Variants in DNAH2 observed in about 807,000 individuals in gnomAD.
The protein encoded by DNAH2 is axonemal beta dynein heavy chain 2.
Under a neutral mutation model 523.5 loss-of-function variants are expected in DNAH2, and 323 were observed. That is an observed-to-expected ratio of 0.62 (90% CI 0.56 to 0.68). DNAH2 has a LOEUF of 0.68. DNAH2 is among the 30% of genes least tolerant of loss of function. DNAH2 has a pLI of 0.00. For missense variants in DNAH2, 4,907 were observed against 5,701.5 expected (o/e 0.86, Z 4.49); for synonymous variants, 2,093 against 2,177.4 (o/e 0.96, Z 1.08).
At position 7,766,384 on chromosome 17, in the gene DNAH2, T is replaced by C. The variant is rs750696101; in HGVS notation, c.3578T>C (p.Leu1193Pro). 2.5e-6 allele frequency: 4 copies of C among 1,614,016 alleles called. No homozygotes were observed. In the Admixed American group the frequency reaches 6.7e-5, roughly 27 times the overall value. ...CAGATTACACAAGTGCGGGCCATGC[T>C]GATGGCCATGCGGGAAGAGGAAAAT... ...LDQITQVRAMLMAMREEENSL... is the reference protein window; with the variant it reads ...LDQITQVRAMPMAMREEENSL... The change falls in exon 22 of 86, where the codon CTG (leucine) becomes CCG (proline). Residue 1193 changes from leucine to proline, a missense_variant. Coordinates refer to ENST00000572933, the MANE Select transcript of DNAH2 (RefSeq NM_020877.5).
Position 7,760,391 on chromosome 17 carries a change from T to C in DNAH2, c.2786-349T>C, listed in dbSNP as rs1463059344. On this transcript the variant is annotated intron_variant, in intron 17 of 85. Transcript: ENST00000572933. The surrounding 1 kb of genome is among the most constrained non-coding windows in gnomAD (Gnocchi z 4.0). ...AAAAACAAAAACAGGGGGGCCAGAC[T>C]GGGGAAGGGAGCAGGGGCTTGGATG... Among the ~76,000 whole-genome samples the C allele has an allele frequency of 7.4e-6, 1 of 134,362 alleles. No homozygotes were observed. Among genetic ancestry groups the C allele is most frequent in the East Asian group, 2.2e-4 (1 of 4,648 alleles). The allele number at this position is 134,362 out of a possible 152,430, so 88.1% of individuals were successfully genotyped here.
rs777457751 is a variant in DNAH2, at chr17:7,757,079, T to C, written c.1905-12T>C. The C allele has an allele frequency of 6.2e-7, 1 of 1,613,934 alleles. No homozygotes were observed. Among genetic ancestry groups the C allele is most frequent in the South Asian group, 1.1e-5 (1 of 91,086 alleles). ...TGCGGTCCCCTCACTGCCTGGCTGC[T>C]CTCTCTCAAAGGTCCCTTCTGATTC... On this transcript the variant is annotated splice_polypyrimidine_tract_variant and intron_variant, in intron 12 of 85. Coordinates refer to ENST00000572933, the MANE Select transcript of DNAH2 (RefSeq NM_020877.5).
rs759966344 is a variant in DNAH2, at chr17:7,791,935, G to C, written c.6919G>C (p.Glu2307Gln). The C allele has an allele frequency of 6.2e-7, 1 of 1,613,498 alleles. No homozygotes were observed. The highest frequency in any genetic ancestry group is 8.5e-7 in the Non-Finnish European group (1 of 1,179,840). Residue 2307 changes from glutamate to glutamine, a missense_variant, in exon 45 of 86, where the codon GAG becomes CAG. Glu to Gln is a conservative substitution (Grantham distance 29). Transcript: ENST00000572933. ...CATCCAGGTGAACCCAGCTGACGGCGAGAACTATGTCACCATGGTAGAGAT... is the reference window on the plus strand; with the variant it reads ...CATCCAGGTGAACCCAGCTGACGGCCAGAACTATGTCACCATGGTAGAGAT... ...PENGVNPADGENYVTMVEMTF... is the reference protein window; with the variant it reads ...PENGVNPADGQNYVTMVEMTF...
Position 7,766,333 on chromosome 17 carries a change from A to T in DNAH2, c.3527A>T (p.Asn1176Ile). 6.2e-7 allele frequency: 1 copy of T among 1,613,626 alleles called. No homozygotes were observed. The highest frequency in any genetic ancestry group is 8.5e-7 in the Non-Finnish European group (1 of 1,179,694). Residue 1176 changes from asparagine to isoleucine, a missense_variant, in exon 22 of 86, where the codon AAC becomes ATC. Asn to Ile is a moderately radical substitution (Grantham distance 149). Coordinates refer to ENST00000572933, the MANE Select transcript of DNAH2 (RefSeq NM_020877.5). ...DFEFKGHFTSNVGYMSALDQI... is the reference protein window; with the variant it reads ...DFEFKGHFTSIVGYMSALDQI... ...TCCTCCACAGGCCATTTCACCAGCAACGTGGGATACATGTCTGCCTTAGAC... is the reference window on the plus strand; with the variant it reads ...TCCTCCACAGGCCATTTCACCAGCATCGTGGGATACATGTCTGCCTTAGAC...
chr17:7,722,353 A>G (rs571537967), intron 2 of DNAH2, among the ~76,000 whole-genome samples: 1 of 152,114 alleles, frequency 6.6e-6, no homozygotes, highest in Non-Finnish European at 1.5e-5. Flanking sequence ...CTGACTCTAA[A>G]ATTTACCTTT....
At chr17:7,742,880 G>GATCATTAA in intron 11 of DNAH2, 48 bp from the exon 12 acceptor site, 3 of 1,271,324 alleles carry the variant, frequency 2.4e-6, no homozygotes, top group Admixed American at 3.2e-5. Context: ...GTGGCCCCTG[G>GATCATTAA]AGGAAGGTGG....
At position 7,775,309 on chromosome 17, in the gene DNAH2, C is replaced by G; in HGVS notation, c.4788C>G (p.Phe1596Leu). ...CGGGCGACGGCGAGTACATTGACTT[C>G]CTCCACTCAGTATTTTTAGAAGGCC... ...MFSGDGEYID[F>L]LHSVFLEGPV... The change falls in exon 30 of 86, where the codon TTC becomes TTG. Residue 1596 changes from phenylalanine (F) to leucine (L), a missense_variant. Phe to Leu is a conservative substitution (Grantham distance 22, BLOSUM62 0). This residue lies in a region of DNAH2 where 2,806 missense variants were observed against 3,190.8 expected (regional missense o/e 0.88). Coordinates refer to ENST00000572933, the MANE Select transcript of DNAH2 (RefSeq NM_020877.5). 1 of 1,613,198 alleles carries G rather than the reference C, an allele frequency of 6.2e-7. No homozygotes were observed.
intron 73 of DNAH2, among the ~76,000 whole-genome samples, chr17:7,822,230 C>A (rs1369364270): frequency 6.6e-6 from 1 of 152,228 alleles, no homozygotes; most frequent in Admixed American, 6.5e-5. Context: ...CTCAGCCTCC[C>A]AAAGTGCTGG....
At chr17:7,774,683 A>G in intron 28 of DNAH2, 76 bp from the exon 29 acceptor site, 1 of 1,330,740 alleles carries the variant, frequency 7.5e-7, no homozygotes, top group Non-Finnish European at 1.0e-6. Flanking sequence ...CTGGCAAAGA[A>G]CACAGAGTTG....
At position 7,723,008 on chromosome 17, in the gene DNAH2, T is replaced by G. The variant is rs200687958; in HGVS notation, c.167-620T>G. On this transcript the variant is annotated intron_variant, in intron 2 of 85. Coordinates refer to ENST00000572933, the MANE Select transcript of DNAH2 (RefSeq NM_020877.5). ...TTTTGAGACAGAGTCTTCGCTCTGT[T>G]GCCCAGGCTGGAGTGCAGTGGCGCA... Among the ~76,000 whole-genome samples, 12 of 146,814 alleles carry G rather than the reference T, an allele frequency of 8.2e-5. 1 individual carries two copies. The South Asian group carries it at 1.8e-3, about 22-fold the overall frequency.
In DNAH2 at chr17:7,831,883, C is replaced by T. The variant is rs981573034; in HGVS notation, c.12726+108C>T. The T allele has an allele frequency of 1.1e-5, 11 of 971,382 alleles. No homozygotes were observed. The highest frequency in any genetic ancestry group is 3.3e-5 in the African/African-American group (2 of 60,638). The allele number at this position is 971,382 out of a possible 1,614,324, so 60.2% of individuals were successfully genotyped here. On this transcript the variant is annotated intron_variant, in intron 82 of 85. Coordinates refer to ENST00000572933, the MANE Select transcript of DNAH2 (RefSeq NM_020877.5). This position sits in a 1 kb window ranked among gnomAD's most constrained non-coding sequence, Gnocchi z 4.2. ...GGGCATAAAGCAAACTGCAGAGAGCCGAAACTTTGAAGTTAGATAGGTTCA... is the reference window on the plus strand; with the variant it reads ...GGGCATAAAGCAAACTGCAGAGAGCTGAAACTTTGAAGTTAGATAGGTTCA...
chr17:7,720,556 G>A (rs1368990960), intron 2 of DNAH2, among the ~76,000 whole-genome samples: 1 of 152,194 alleles, frequency 6.6e-6, no homozygotes, highest in African/African-American at 2.4e-5. Context: ...AAGGTTTTTG[G>A]TAGTTGTTGC....
Position 7,824,313 on chromosome 17 carries a change from C to G in DNAH2, c.11662+9C>G. On this transcript the variant is annotated intron_variant, in intron 76 of 85. Coordinates refer to ENST00000572933, the MANE Select transcript of DNAH2 (RefSeq NM_020877.5). Reference sequence around the variant, plus strand: ...AGAGGGTGTGACTCAGGGTTGGTGTCCATCCTTTCTTCCACCCCCATCTTC... The same window carrying G: ...AGAGGGTGTGACTCAGGGTTGGTGTGCATCCTTTCTTCCACCCCCATCTTC... 1 of 1,508,428 alleles carries G rather than the reference C, an allele frequency of 6.6e-7. No individual in the cohort carries two copies. Among genetic ancestry groups the G allele is most frequent in the Non-Finnish European group, 8.8e-7 (1 of 1,131,884 alleles). The allele number at this position is 1,508,428 out of a possible 1,614,324, so 93.4% of individuals were successfully genotyped here.
chr17:7,782,273 T>C (rs917387437), intron 39 of DNAH2, among the ~76,000 whole-genome samples: 1 of 152,208 alleles, frequency 6.6e-6, no homozygotes, highest in Non-Finnish European at 1.5e-5. Context: ...TAGAAGCGTA[T>C]ATACAGGAAA....
Position 7,760,013 on chromosome 17 carries a change from C to T in DNAH2, c.2785+75C>T. 6.2e-7 allele frequency: 1 copy of T among 1,600,886 alleles called. No individual in the cohort carries two copies. The highest frequency in any genetic ancestry group is 1.1e-5 in the South Asian group (1 of 90,058). ...GAGTGGGCCAGGCCAGGAGGAGAGA[C>T]CAGGGCTATTTCCAGGCATACTGGG... On this transcript the variant is annotated intron_variant, in intron 17 of 85. Transcript: ENST00000572933. This position sits in a 1 kb window ranked among gnomAD's most constrained non-coding sequence, Gnocchi z 4.0.
At chr17:7,792,463 A>G in intron 46 of DNAH2, 120 bp downstream of exon 46, 1 of 1,143,892 alleles carries the variant, frequency 8.7e-7, no homozygotes, top group Non-Finnish European at 1.3e-6. Flanking sequence ...GGTCCCAGAG[A>G]AGGGCTGCCT....
chr17:7,778,370 G>A lies in DNAH2; in HGVS notation c.5442G>A (p.Lys1814=), dbSNP rs757460686. 10 of 1,614,266 alleles carry A rather than the reference G, an allele frequency of 6.2e-6. No individual in the cohort carries two copies. In the Admixed American group the frequency reaches 1.7e-4, roughly 27 times the overall value. ...PAGTGKTETV[K]DLGKALGIYV... is the part of the protein sequence containing the mutation. Reference sequence around the variant, plus strand: ...GCACAGGCAAGACCGAGACCGTCAAGGACCTGGGCAAGGCCCTGGGCATAT... The same window carrying A: ...GCACAGGCAAGACCGAGACCGTCAAAGACCTGGGCAAGGCCCTGGGCATAT... Residue 1814 remains lysine, a synonymous_variant, in exon 35 of 86, where the codon AAG becomes AAA. Coordinates refer to ENST00000572933, the MANE Select transcript of DNAH2 (RefSeq NM_020877.5).
intron 4 of DNAH2, among the ~76,000 whole-genome samples, chr17:7,732,777 C>T (rs2151135354): frequency 6.6e-6 from 1 of 152,244 alleles, no homozygotes; most frequent in South Asian, 2.1e-4. Flanking sequence ...TTCTTTCTAT[C>T]GATCCGTTCA....
rs1456820210 is a variant in DNAH2, at chr17:7,832,970, A to G, written c.12978+42A>G. On this transcript the variant is annotated intron_variant, in intron 84 of 85. Transcript: ENST00000572933. This position sits in a 1 kb window ranked among gnomAD's most constrained non-coding sequence, Gnocchi z 4.3. ...CTTGGGGCTCTGAGCAAAAGAGGGTACTGGAAATAATTGGACGAAAAGGGA... is the reference window on the plus strand; with the variant it reads ...CTTGGGGCTCTGAGCAAAAGAGGGTGCTGGAAATAATTGGACGAAAAGGGA... 2 of 1,613,928 alleles carry G rather than the reference A, an allele frequency of 1.2e-6. No individual in the cohort carries two copies. The highest frequency in any genetic ancestry group is 2.2e-5 in the East Asian group (1 of 44,884).
Sources: allele counts gnomAD v4.1 joint callset (sites outside exome capture counted in the v4.1 genomes callset), GRCh38; gene constraint gnomAD v4.1.1; regional missense constraint gnomAD v4.1.1; non-coding constraint Gnocchi (gnomAD v3.1); transcripts MANE v1.5; gene names NCBI Gene and HGNC (gene_info 2026-07-23, HGNC 2026-07-21).